GPSM1: variants seen among roughly 807,000 people sequenced by gnomAD.
GPSM1 encodes G protein-signaling modulator 1.
In GPSM1, 48 loss-of-function variants were observed where a neutral mutation model predicts 70.5. The ratio of observed to expected loss-of-function variants is 0.68; its 90% confidence interval spans 0.54 to 0.87. The LOEUF is 0.87. Ranked by LOEUF, GPSM1 falls within the 40% of genes least tolerant of loss-of-function variation. GPSM1 has a pLI of 0.00. For synonymous variants in GPSM1, 416 were observed against 430.1 expected, an observed-to-expected ratio of 0.97 and a Z score of 0.41; for missense variants, 981 against 972.6, an observed-to-expected ratio of 1.01 and a Z score of -0.11.
At position 136,338,217 on chromosome 9, in the gene GPSM1, G is replaced by A. The variant is rs558739479; in HGVS notation, c.818+256G>A. 1.9e-3 allele frequency among the ~76,000 whole-genome samples: 297 copies of A among 152,346 alleles called. 1 individual carries two copies. The highest frequency in any genetic ancestry group is 3.4e-3 in the Non-Finnish European group (231 of 68,008). ...AGCCACAGAGCAGCGCCTGCCGGGT[G>A]GAGCCCGGCTGTCAGCACGGGGTCC... On this transcript the variant is annotated intron_variant, in intron 6 of 13. Coordinates refer to ENST00000440944, the MANE Select transcript of GPSM1 (RefSeq NM_001145638.3).
At chr9:136,353,153 C>G (rs201621587) in intron 11 of GPSM1, 12 of 978,384 alleles carry the variant, frequency 1.2e-5, no homozygotes, top group Non-Finnish European at 1.5e-5. Flanking sequence ...GCCTGTGATC[C>G]GCGTGAGTCT....
chr9:136,327,787 CGGGG>C, intron 1 of GPSM1, 24 bp downstream of exon 1: 1 of 1,050,146 alleles, frequency 9.5e-7, no homozygotes, highest in Non-Finnish European at 1.2e-6. Context: ...GGGCCGGGGC[CGGGG>C]CCGGGGCTGG....
At position 136,336,910 on chromosome 9, in the gene GPSM1, A is replaced by G. The variant is rs1554769320; in HGVS notation, c.427-11A>G. ...TGGAGGCATGCCCCCAACCCTCCGT[A>G]CTGCCCACAGGTTGGGGAGGCGAGG... On this transcript the variant is annotated splice_polypyrimidine_tract_variant and intron_variant, in intron 3 of 13. Coordinates refer to ENST00000440944, the MANE Select transcript of GPSM1 (RefSeq NM_001145638.3). 6.4e-7 allele frequency: 1 copy of G among 1,551,172 alleles called. No individual in the cohort carries two copies.
In GPSM1 at chr9:136,334,428, G is replaced by A. The variant is rs781861955; in HGVS notation, c.69-19G>A. 1.2e-5 allele frequency: 19 copies of A among 1,599,264 alleles called. No homozygotes were observed. Among genetic ancestry groups the A allele is most frequent in the South Asian group, 5.5e-5 (5 of 90,492 alleles). On this transcript the variant is annotated intron_variant, in intron 1 of 13. Coordinates refer to ENST00000440944, the MANE Select transcript of GPSM1 (RefSeq NM_001145638.3). ...GACTTTGCCAGGGCTGGGCCATGAC[G>A]CCAAGTTCCTCTGCACAGGATGGAG...
rs1164405547 is a variant in GPSM1 at position 136,327,575 on chromosome 9, C to T, written c.-121C>T. On this transcript the variant is annotated 5_prime_UTR_variant, in exon 1 of 14. In the 5' UTR this introduces an upstream ATG that the reference lacks. Transcript: ENST00000440944. ...GCCTCCCCGGGGGAGGACGGGCGAA[C>T]GAGGCGCGGACGGACAGGCGGACAG... The T allele has an allele frequency of 3.0e-5, 6 of 199,338 alleles. No homozygotes were observed. Among genetic ancestry groups the T allele is most frequent in the African/African-American group, 9.5e-5 (4 of 42,314 alleles). 12.3% of individuals were successfully genotyped at this position (199,338 alleles called of 1,614,324 possible). A position where few individuals can be genotyped will look rare whatever the true frequency, so the allele number is the denominator to read the frequency against.
intron 1 of GPSM1, chr9:136,332,177 C>T (rs1044842092): frequency 1.5e-4 from 60 of 399,162 alleles, no homozygotes; most frequent in Admixed American, 7.5e-4. Flanking sequence ...AGAGGTGCGG[C>T]GGGCAGCGAG....
chr9:136,330,287 C>G (rs1832071614), intron 1 of GPSM1, among the ~76,000 whole-genome samples: 1 of 152,128 alleles, frequency 6.6e-6, no homozygotes, highest in Admixed American at 6.5e-5. Context: ...CAGTCACCAG[C>G]TCCCAGACAG....
At chr9:136,354,851 C>A in intron 11 of GPSM1, 1 of 1,000,992 alleles carries the variant, frequency 1.0e-6, no homozygotes, top group Non-Finnish European at 1.2e-6. Flanking sequence ...AGGGCTGACA[C>A]AGGGTGTGGT....
rs534906413 is a variant in GPSM1, at chr9:136,341,686, C to T, written c.1207+693C>T. 2.8e-5 allele frequency: 28 copies of T among 992,678 alleles called. 1 individual carries two copies. In the South Asian group the frequency reaches 1.2e-3, roughly 42 times the overall value. 61.5% of individuals were successfully genotyped at this position (992,678 alleles called of 1,614,324 possible). ...TCCCAAAGGTCTTGAGTTTGCCAGC[C>T]CCCGAGAAGGGATGCCTGCCTCCCA... On this transcript the variant is annotated intron_variant, in intron 9 of 13. Coordinates refer to ENST00000440944, the MANE Select transcript of GPSM1 (RefSeq NM_001145638.3). This position sits in a 1 kb window ranked among gnomAD's most constrained non-coding sequence, Gnocchi z 6.7.
rs1199751007 is a variant in GPSM1 at position 136,342,397 on chromosome 9, G to A, written c.1207+1404G>A. Among the ~76,000 whole-genome samples, 3 of 152,222 alleles carry A rather than the reference G, an allele frequency of 2.0e-5. No individual in the cohort carries two copies. Among genetic ancestry groups the A allele is most frequent in the Non-Finnish European group, 2.9e-5 (2 of 68,026 alleles). On this transcript the variant is annotated intron_variant, in intron 9 of 13. Coordinates refer to ENST00000440944, the MANE Select transcript of GPSM1 (RefSeq NM_001145638.3). The surrounding 1 kb of genome is among the most constrained non-coding windows in gnomAD (Gnocchi z 5.5). ...CCAAGGAAAAGGGGGGCCGGAGTGG[G>A]AGGACGCTGGAACAATGCAGCTTCT...
At chr9:136,345,129 CGGCGG>C (rs1554771038) in intron 9 of GPSM1, among the ~76,000 whole-genome samples, 4 of 152,270 alleles carry the variant, frequency 2.6e-5, no homozygotes, top group African/African-American at 9.6e-5. Context: ...TGAGCCAAGC[CGGCGG>C]GGCGGGTGCT....
rs1225897673 is a variant in GPSM1 at position 136,340,776 on chromosome 9, G to A, written c.1084-94G>A. On this transcript the variant is annotated intron_variant, in intron 8 of 13. Coordinates refer to ENST00000440944, the MANE Select transcript of GPSM1 (RefSeq NM_001145638.3). This position sits in a 1 kb window ranked among gnomAD's most constrained non-coding sequence, Gnocchi z 7.3. ...CCAGTTCAGGTCACTCAGAAGGTCA[G>A]GGACGGGTGTACTGGGGGCCATTAA... 9.6e-6 allele frequency: 14 copies of A among 1,460,800 alleles called. No homozygotes were observed. The highest frequency in any genetic ancestry group is 2.8e-5 in the African/African-American group (2 of 70,806). The allele number at this position is 1,460,800 out of a possible 1,614,324, so 90.5% of individuals were successfully genotyped here. A position where few individuals can be genotyped will look rare whatever the true frequency, so the allele number is the denominator to read the frequency against.
rs964855745 is a variant in GPSM1, at chr9:136,343,003, G to A, written c.1207+2010G>A. ...GGTGTCCCGTTGATAAACACAAGGA[G>A]ACTTACGTGCGGCTGGAGGACAAAG... is the stretch of plus-strand genomic sequence containing the variant. On this transcript the variant is annotated intron_variant, in intron 9 of 13. Transcript: ENST00000440944. The surrounding 1 kb of genome is among the most constrained non-coding windows in gnomAD (Gnocchi z 6.0). 1.3e-5 allele frequency among the ~76,000 whole-genome samples: 2 copies of A among 152,136 alleles called. No individual in the cohort carries two copies. Among genetic ancestry groups the A allele is most frequent in the Non-Finnish European group, 2.9e-5 (2 of 68,002 alleles).
At chr9:136,329,071 T>C (rs797040366) in intron 1 of GPSM1, among the ~76,000 whole-genome samples, 54 of 151,986 alleles carry the variant, frequency 3.6e-4, no homozygotes, top group African/African-American at 1.2e-3. Flanking sequence ...GACCATAGAG[T>C]TGGGCATTCT....
rs1484824114 is a variant in GPSM1 at position 136,341,319 on chromosome 9, G to T, written c.1207+326G>T. ...GGTGCAGGGAGGGCTTCTGTCCTCA[G>T]ACCCAAGTAGGAGAGGGCTGCTGGG... On this transcript the variant is annotated intron_variant, in intron 9 of 13. Transcript: ENST00000440944. The surrounding 1 kb of genome is among the most constrained non-coding windows in gnomAD (Gnocchi z 6.7). 6 of 1,443,230 alleles carry T rather than the reference G, an allele frequency of 4.2e-6. No individual in the cohort carries two copies. The East Asian group carries it at 1.5e-4, about 36-fold the overall frequency. 89.4% of individuals were successfully genotyped at this position (1,443,230 alleles called of 1,614,324 possible).
rs782514766 is a variant in GPSM1 at position 136,337,000 on chromosome 9, A to G, written c.506A>G (p.Asn169Ser). The change falls in exon 4 of 14, where the codon AAC becomes AGC. Residue 169 changes from asparagine to serine, a missense_variant. Coordinates refer to ENST00000440944, the MANE Select transcript of GPSM1 (RefSeq NM_001145638.3). Reference protein sequence around the residue: ...KGKQLSWNAANATQDPGHLPP... With the variant: ...KGKQLSWNAASATQDPGHLPP... ...AAGCAACTGTCCTGGAACGCCGCAA[A>G]CGCCACGCAGGACCCCGGGCACCTG... is the stretch of plus-strand genomic sequence containing the variant. 6.4e-7 allele frequency: 1 copy of G among 1,553,388 alleles called. No homozygotes were observed. The highest frequency in any genetic ancestry group is 1.2e-5 in the South Asian group (1 of 84,188).
At chr9:136,345,285 C>T (rs186054938) in intron 9 of GPSM1, among the ~76,000 whole-genome samples, 2 of 152,144 alleles carry the variant, frequency 1.3e-5, no homozygotes, top group African/African-American at 2.4e-5. Flanking sequence ...GGCCATGGGG[C>T]GGTGCTGGGA....
At chr9:136,353,532 T>G (rs1440276600) in intron 11 of GPSM1, among the ~76,000 whole-genome samples, 1 of 152,200 alleles carries the variant, frequency 6.6e-6, no homozygotes, top group East Asian at 1.9e-4. Flanking sequence ...AGCCACGGTT[T>G]TGCACCTGCA....
intron 9 of GPSM1, among the ~76,000 whole-genome samples, chr9:136,345,093 A>G (rs1832489241): frequency 6.6e-6 from 1 of 152,200 alleles, no homozygotes; most frequent in South Asian, 2.1e-4. Flanking sequence ...AACCGTGGGC[A>G]GCTGAAAATC....
Sources: gnomAD v4.1 joint callset for allele counts (sites outside exome capture counted in the v4.1 genomes callset) on GRCh38, gnomAD v4.1.1 for gene constraint, Gnocchi (gnomAD v3.1) non-coding constraint, MANE v1.5 for transcripts, NCBI Gene and HGNC (gene_info 2026-07-23, HGNC 2026-07-21) for gene names.